The following P2RY8 variants were observed in gnomAD, a reference collection of about 807,000 sequenced individuals.
P2RY8 encodes the protein S-geranylgeranyl-glutathione receptor P2RY8.
P2RY8 carries 6 observed loss-of-function variants against 10.0 expected under a neutral mutation model. The ratio of observed to expected loss-of-function variants is 0.60; its 90% confidence interval spans 0.33 to 1.19. The LOEUF is 1.19. P2RY8 is among the 50% of genes most tolerant of loss of function. The pLI is 0.04. For synonymous variants in P2RY8, 276 were observed against 252.5 expected, an observed-to-expected ratio of 1.09 and a Z score of -0.88; for missense variants, 456 against 542.0, an observed-to-expected ratio of 0.84 and a Z score of 1.58.
chrX:1,510,056 A>G (rs2092287809), intron 1 of P2RY8, among the ~76,000 whole-genome samples: 2 of 151,360 alleles, frequency 1.3e-5, no homozygotes, highest in South Asian at 2.1e-4. Flanking sequence ...TCTATCATCT[A>G]TCTATCTATC....
chrX:1,509,095 C>CTATG (rs1242101407), intron 1 of P2RY8, among the ~76,000 whole-genome samples: 2 of 137,888 alleles, frequency 1.5e-5, no homozygotes, highest in Non-Finnish European at 3.2e-5. Context: ...ATCTATGTAT[C>CTATG]TATGTATCTA....
chrX:1,465,630 C>T lies in P2RY8; in HGVS notation c.929G>A (p.Cys310Tyr). 6.2e-7 allele frequency: 1 copy of T among 1,613,400 alleles called. No homozygotes were observed. The highest frequency in any genetic ancestry group is 8.5e-7 in the Non-Finnish European group (1 of 1,179,822). The change falls in exon 2 of 2, where the codon TGC becomes TAC. Residue 310 changes from cysteine to tyrosine, a missense_variant. Transcript: ENST00000381297. ...FQLRLREYLG[C>Y]RRVPRDTLDT... is the part of the protein sequence containing the mutation. ...CAGGGTGTCTCTGGGCACCCGGCGGCAGCCCAAATATTCCCGCAGGCGCAG... is the reference window on the plus strand; with the variant it reads ...CAGGGTGTCTCTGGGCACCCGGCGGTAGCCCAAATATTCCCGCAGGCGCAG...
chrX:1,533,133 G>C (rs1268651855), intron 1 of P2RY8, among the ~76,000 whole-genome samples: 1 of 150,864 alleles, frequency 6.6e-6, no homozygotes, highest in Non-Finnish European at 1.5e-5. Context: ...ACCGGGTTCA[G>C]TGTATACTGC....
At chrX:1,499,341 T>C (rs1212559236) in intron 1 of P2RY8, among the ~76,000 whole-genome samples, 1 of 151,884 alleles carries the variant, frequency 6.6e-6, no homozygotes, top group Non-Finnish European at 1.5e-5. Context: ...AATTTTTATA[T>C]TTTTAGTAGA....
At chrX:1,495,340 T>C (rs1331335023) in intron 1 of P2RY8, among the ~76,000 whole-genome samples, 5 of 151,392 alleles carry the variant, frequency 3.3e-5, no homozygotes, top group Admixed American at 2.0e-4. Context: ...TATTTGGAGG[T>C]TACCTCTTTA....
intron 1 of P2RY8, among the ~76,000 whole-genome samples, chrX:1,525,057 C>A (rs2092431205): frequency 6.6e-6 from 1 of 152,214 alleles, no homozygotes; most frequent in Non-Finnish European, 1.5e-5. Context: ...GGGTCTGTCA[C>A]CTTGCAGGGA....
At chrX:1,503,653 G>C (rs1220939797) in intron 1 of P2RY8, among the ~76,000 whole-genome samples, 8 of 152,160 alleles carry the variant, frequency 5.3e-5, no homozygotes, top group African/African-American at 1.9e-4. Context: ...CCAGCACTTT[G>C]GGAGGCCGAG....
chrX:1,532,869 A>G (rs2092489984), intron 1 of P2RY8, among the ~76,000 whole-genome samples: 1 of 151,812 alleles, frequency 6.6e-6, no homozygotes, highest in South Asian at 2.1e-4. Context: ...GTGTGGTGGC[A>G]CATGCGTGTA....
Position 1,520,439 on chromosome X carries a change from C to T in P2RY8, c.-25+16482G>A, listed in dbSNP as rs1272699322. Among the ~76,000 whole-genome samples the T allele has an allele frequency of 1.2e-3, 185 of 151,650 alleles. 1 individual carries two copies. The highest frequency in any genetic ancestry group is 4.2e-3 in the African/African-American group (175 of 41,366). On this transcript the variant is annotated intron_variant, in intron 1 of 1. Transcript: ENST00000381297. ...CGGTCTCTAATAATCTCTCTGGTCC[C>T]CAATATTCTCTCTGGTCCCCAATCA...
chrX:1,510,949 C>T (rs1306465699), intron 1 of P2RY8, among the ~76,000 whole-genome samples: 3 of 151,720 alleles, frequency 2.0e-5, no homozygotes, highest in Admixed American at 6.6e-5. Context: ...AAGGCCAAGG[C>T]GGGTGGATCA....
At chrX:1,487,355 A>G (rs1305527774) in intron 1 of P2RY8, among the ~76,000 whole-genome samples, 2 of 152,120 alleles carry the variant, frequency 1.3e-5, no homozygotes, top group African/African-American at 4.8e-5. Flanking sequence ...CAGACGTCAC[A>G]TTGAATGTTT....
At chrX:1,498,628 C>G (rs1180485867) in intron 1 of P2RY8, among the ~76,000 whole-genome samples, 1 of 150,904 alleles carries the variant, frequency 6.6e-6, no homozygotes, top group African/African-American at 2.4e-5. Flanking sequence ...AGCGATTCTC[C>G]TGCCTCAGCC....
chrX:1,465,150 A>G lies in P2RY8; in HGVS notation c.*329T>C. 2.6e-6 allele frequency: 1 copy of G among 386,142 alleles called. No individual in the cohort carries two copies. Among genetic ancestry groups the G allele is most frequent in the South Asian group, 4.7e-5 (1 of 21,224 alleles). 23.9% of individuals were successfully genotyped at this position (386,142 alleles called of 1,614,324 possible). A position where few individuals can be genotyped will look rare whatever the true frequency, so the allele number is the denominator to read the frequency against. On this transcript the variant is annotated 3_prime_UTR_variant, in exon 2 of 2. Transcript: ENST00000381297. ...TCGGGGGTGACAGCCCAGCTCTACTAAAAAAAATACAAAAATTAGCCGGGC... is the reference window on the plus strand; with the variant it reads ...TCGGGGGTGACAGCCCAGCTCTACTGAAAAAAATACAAAAATTAGCCGGGC...
chrX:1,483,669 A>C (rs1234190868), intron 1 of P2RY8, among the ~76,000 whole-genome samples: 1 of 151,972 alleles, frequency 6.6e-6, no homozygotes, highest in Non-Finnish European at 1.5e-5. Flanking sequence ...CCCAAACAGG[A>C]GCTCCATTAA....
intron 1 of P2RY8, among the ~76,000 whole-genome samples, chrX:1,528,931 G>A (rs2092456835): frequency 6.6e-6 from 1 of 152,218 alleles, no homozygotes; most frequent in African/African-American, 2.4e-5. Context: ...CTCTGAATGT[G>A]CGTGGATTTG....
rs1388343925 is a variant in P2RY8 at position 1,462,913 on chromosome X, C to T, written c.*2566G>A. 10 of 231,778 alleles carry T rather than the reference C, an allele frequency of 4.3e-5. No individual in the cohort carries two copies. The highest frequency in any genetic ancestry group is 1.8e-4 in the South Asian group (1 of 5,490). The allele number at this position is 231,778 out of a possible 1,614,324, so 14.4% of individuals were successfully genotyped here. A position where few individuals can be genotyped will look rare whatever the true frequency, so the allele number is the denominator to read the frequency against. The stretch of plus-strand genomic sequence containing the variant: ...TGAGTCAGCTTCCAGGAAACATCCA[C>T]GGCTGTAAGAGGGGGTGTCGGCTGC... On this transcript the variant is annotated 3_prime_UTR_variant, in exon 2 of 2. Coordinates refer to ENST00000381297, the MANE Select transcript of P2RY8 (RefSeq NM_178129.5).
intron 1 of P2RY8, among the ~76,000 whole-genome samples, chrX:1,531,325 A>G (rs2092473981): frequency 6.6e-6 from 1 of 152,146 alleles, no homozygotes; most frequent in South Asian, 2.1e-4. Context: ...TCCAGCAGAC[A>G]GCCTGTGCCT....
At chrX:1,524,979 T>C (rs1405110914) in intron 1 of P2RY8, among the ~76,000 whole-genome samples, 7 of 152,160 alleles carry the variant, frequency 4.6e-5, no homozygotes, top group Admixed American at 1.3e-4. Context: ...TCTGTGTCCA[T>C]TCAGCTGCTC....
At chrX:1,535,575 C>T (rs1411016711) in intron 1 of P2RY8, among the ~76,000 whole-genome samples, 1 of 151,920 alleles carries the variant, frequency 6.6e-6, no homozygotes, top group Admixed American at 6.6e-5. Context: ...TTGAACGGCG[C>T]AGTCAGGTGC....
Sources: gnomAD v4.1 joint callset for allele counts (sites outside exome capture counted in the v4.1 genomes callset) on GRCh38, gnomAD v4.1.1 for gene constraint, MANE v1.5 for transcripts, NCBI Gene and HGNC (gene_info 2026-07-23, HGNC 2026-07-21) for gene names.